DOCK1: variants seen among roughly 807,000 people sequenced by gnomAD.
DOCK1 encodes the protein dedicator of cytokinesis protein 1.
In DOCK1, 138 loss-of-function variants were observed where a neutral mutation model predicts 262.7. That is an observed-to-expected ratio of 0.53 (90% CI 0.46 to 0.61). The LOEUF is 0.61. DOCK1 is among the 20% of genes least tolerant of loss of function. The pLI, the probability that DOCK1 is intolerant of heterozygous loss-of-function variation, is 0.00. For synonymous variants in DOCK1, 866 were observed against 867.4 expected, an observed-to-expected ratio of 1.00 and a Z score of 0.03; for missense variants, 1,908 against 2,370.7, an observed-to-expected ratio of 0.80 and a Z score of 4.05.
intron 23 of DOCK1, 71 bp from the exon 24 acceptor site, chr10:127,106,160 A>G (rs1487721592): frequency 2.7e-6 from 4 of 1,464,214 alleles, no homozygotes; most frequent in Non-Finnish European, 2.8e-6. Flanking sequence ...TTCTTCTCAT[A>G]AGGATTACAA....
chr10:127,282,684 C>G (rs1197792282), intron 29 of DOCK1, among the ~76,000 whole-genome samples: 1 of 152,260 alleles, frequency 6.6e-6, no homozygotes, highest in Non-Finnish European at 1.5e-5. Context: ...TCTGCCTGCT[C>G]TTACCTGCTT....
At chr10:127,279,792 A>C (rs1428828510) in intron 29 of DOCK1, among the ~76,000 whole-genome samples, 1 of 152,208 alleles carries the variant, frequency 6.6e-6, no homozygotes, top group African/African-American at 2.4e-5. Flanking sequence ...GCCCTCGGCA[A>C]GAATGGGAGA....
At chr10:127,049,191 A>G (rs1480822055) in intron 21 of DOCK1, among the ~76,000 whole-genome samples, 1 of 152,248 alleles carries the variant, frequency 6.6e-6, no homozygotes. Context: ...GAATTACAGT[A>G]TGGTACAGTA....
At position 126,919,410 on chromosome 10, in the gene DOCK1, A is replaced by G. The variant is rs149495319; in HGVS notation, c.46+13847A>G. On this transcript the variant is annotated intron_variant, in intron 1 of 51. Transcript: ENST00000623213. ...TTTGTTTTCAAGTCCTCCTAACGTC[A>G]TAAGTGTTTTCCTGACAATTTTTCA... Among the ~76,000 whole-genome samples, 261 of 152,294 alleles carry G rather than the reference A, an allele frequency of 1.7e-3. 2 individuals are homozygous for G. Among genetic ancestry groups the G allele is most frequent in the African/African-American group, 6.0e-3 (251 of 41,564 alleles).
chr10:127,016,951 CAG>C (rs1237781107), intron 12 of DOCK1, among the ~76,000 whole-genome samples: 3 of 145,072 alleles, frequency 2.1e-5, no homozygotes, highest in Non-Finnish European at 3.0e-5. Flanking sequence ...CACAGACACA[CAG>C]AGATATACCA....
chr10:127,424,271 T>G (rs1471363655), intron 46 of DOCK1, among the ~76,000 whole-genome samples: 1 of 152,202 alleles, frequency 6.6e-6, no homozygotes, highest in Non-Finnish European at 1.5e-5. Context: ...CTGGTAAATT[T>G]CACCTATCAG....
intron 27 of DOCK1, among the ~76,000 whole-genome samples, chr10:127,191,921 C>T (rs890109984): frequency 2.6e-5 from 4 of 152,190 alleles, no homozygotes; most frequent in Non-Finnish European, 4.4e-5. Flanking sequence ...TTCAGCATTC[C>T]GTAGCCTCCT....
At chr10:126,919,342 T>G (rs1299251281) in intron 1 of DOCK1, among the ~76,000 whole-genome samples, 2 of 152,238 alleles carry the variant, frequency 1.3e-5, no homozygotes, top group East Asian at 3.8e-4. Flanking sequence ...GAAATGTGAT[T>G]ATTTTCCTTT....
intron 26 of DOCK1, among the ~76,000 whole-genome samples, chr10:127,127,408 A>C (rs2050030808): frequency 6.6e-6 from 1 of 152,044 alleles, no homozygotes; most frequent in Non-Finnish European, 1.5e-5. Context: ...GTTTAAACAG[A>C]TTTTCTTTTA....
chr10:126,926,882 T>A (rs554386799), intron 1 of DOCK1, among the ~76,000 whole-genome samples: 3 of 152,212 alleles, frequency 2.0e-5, no homozygotes, highest in Admixed American at 1.3e-4. Flanking sequence ...ACATCTGGCC[T>A]CTGAAACTGT....
chr10:127,376,882 A>C (rs571307462), intron 35 of DOCK1, among the ~76,000 whole-genome samples: 1 of 152,328 alleles, frequency 6.6e-6, no homozygotes, highest in South Asian at 2.1e-4. Context: ...TTACTACCTG[A>C]ATCTAGGGTC....
At chr10:127,023,119 T>C (rs980552202) in intron 13 of DOCK1, 81 bp from the exon 14 acceptor site, 10 of 1,461,016 alleles carry the variant, frequency 6.8e-6, no homozygotes, top group Non-Finnish European at 9.4e-6. Context: ...TCTATGAGGA[T>C]AGGTAGACAG....
At chr10:126,906,462 C>T (rs1033203892) in intron 1 of DOCK1, among the ~76,000 whole-genome samples, 3 of 152,190 alleles carry the variant, frequency 2.0e-5, no homozygotes, top group African/African-American at 7.2e-5. Context: ...TGGCTACTCT[C>T]CTGCTCTCCC....
chr10:126,940,468 A>G (rs1286989146), intron 1 of DOCK1, among the ~76,000 whole-genome samples: 1 of 152,150 alleles, frequency 6.6e-6, no homozygotes, highest in Non-Finnish European at 1.5e-5. Flanking sequence ...TAGTGGTATA[A>G]TCTCGGCTCA....
At chr10:127,369,388 C>G (rs989626269) in intron 33 of DOCK1, among the ~76,000 whole-genome samples, 1 of 152,166 alleles carries the variant, frequency 6.6e-6, no homozygotes, top group African/African-American at 2.4e-5. Flanking sequence ...CAAAGATGGT[C>G]TGAGAGGCCA....
intron 27 of DOCK1, among the ~76,000 whole-genome samples, chr10:127,174,603 G>A (rs1564868383): frequency 6.6e-6 from 1 of 152,176 alleles, no homozygotes; most frequent in Admixed American, 6.5e-5. Flanking sequence ...GTGGGGAAGG[G>A]CATCTGTCTC....
At chr10:127,093,198 TTTTC>T (rs71490109) in intron 23 of DOCK1, among the ~76,000 whole-genome samples, 23 of 92,452 alleles carry the variant, frequency 2.5e-4, no homozygotes, top group South Asian at 1.0e-3. Flanking sequence ...TCCCTCTCCT[TTTTC>T]TTTCTTTCTT....
chr10:127,074,795 C>T (rs2046417891), intron 23 of DOCK1, among the ~76,000 whole-genome samples: 2 of 152,100 alleles, frequency 1.3e-5, no homozygotes, highest in African/African-American at 4.8e-5. Flanking sequence ...TTGAAAAGGA[C>T]ATTTTCATAT....
intron 43 of DOCK1, among the ~76,000 whole-genome samples, chr10:127,414,100 C>T (rs1365739742): frequency 6.6e-6 from 1 of 152,088 alleles, no homozygotes; most frequent in African/African-American, 2.4e-5. Context: ...TTAGTAGAGA[C>T]GGGATTTTGC....
Sources: allele counts gnomAD v4.1 joint callset (sites outside exome capture counted in the v4.1 genomes callset), GRCh38; gene constraint gnomAD v4.1.1; transcripts MANE v1.5; gene names NCBI Gene and HGNC (gene_info 2026-07-23, HGNC 2026-07-21).